GRIA2: variants seen among roughly 807,000 people sequenced by gnomAD.
The protein encoded by GRIA2 is glutamate receptor 2.
A neutral mutation model predicts 97.3 loss-of-function variants in GRIA2; 14 were observed. The ratio of observed to expected loss-of-function variants is 0.14; its 90% confidence interval spans 0.10 to 0.23. The LOEUF is 0.23. Among genes scored for constraint, GRIA2 ranks in the 10% least tolerant of loss-of-function variants. The pLI is 1.00. For synonymous variants in GRIA2, 412 were observed against 387.8 expected (o/e 1.06, Z -0.73); for missense variants, 558 against 1,069.8 (o/e 0.52, Z 6.67).
At chr4:157,315,499 T>C (rs1232540640) in intron 4 of GRIA2, among the ~76,000 whole-genome samples, 1 of 150,676 alleles carries the variant, frequency 6.6e-6, no homozygotes, top group Non-Finnish European at 1.5e-5. Context: ...TAAATTTTAT[T>C]AGGCTATGGG....
intron 2 of GRIA2, among the ~76,000 whole-genome samples, chr4:157,230,570 C>T (rs1253173050): frequency 1.1e-5 from 1 of 92,606 alleles, no homozygotes; most frequent in East Asian, 3.7e-4. Flanking sequence ...TTCCTTCCTT[C>T]CTTCCTTCTT....
At chr4:157,331,301 A>C (rs1735037402) in intron 6 of GRIA2, among the ~76,000 whole-genome samples, 1 of 151,890 alleles carries the variant, frequency 6.6e-6, no homozygotes. Flanking sequence ...AATGTAGTTA[A>C]CCAACATTTG....
At chr4:157,302,861 T>G (rs1367316297) in intron 2 of GRIA2, among the ~76,000 whole-genome samples, 1 of 151,782 alleles carries the variant, frequency 6.6e-6, no homozygotes, top group Non-Finnish European at 1.5e-5. Flanking sequence ...ATTGTGGGAG[T>G]GATGAGGATG....
chr4:157,246,128 G>A (rs1022686152), intron 2 of GRIA2, among the ~76,000 whole-genome samples: 10 of 151,974 alleles, frequency 6.6e-5, no homozygotes, highest in Non-Finnish European at 1.0e-4. Context: ...CCAGTATTAC[G>A]TTTAGTTTTA....
At chr4:157,256,264 T>A (rs1347863734) in intron 2 of GRIA2, among the ~76,000 whole-genome samples, 7 of 136,876 alleles carry the variant, frequency 5.1e-5, no homozygotes, top group African/African-American at 2.0e-4. Flanking sequence ...AATTATATAT[T>A]ACATATATAT....
At chr4:157,230,401 G>A (rs1166580738) in intron 2 of GRIA2, among the ~76,000 whole-genome samples, 2 of 152,058 alleles carry the variant, frequency 1.3e-5, no homozygotes, top group Admixed American at 6.6e-5. Flanking sequence ...AGTGATGGCG[G>A]GAAAGCTGTG....
rs142751702 is a variant in GRIA2 at position 157,308,456 on chromosome 4, A to G, written c.470-4223A>G. Among the ~76,000 whole-genome samples, 14 of 151,364 alleles carry G rather than the reference A, an allele frequency of 9.2e-5. 1 individual carries two copies. In the East Asian group the frequency reaches 2.5e-3, roughly 27 times the overall value. ...AGCAATATTCTTGAGGGTTTAAAAG[A>G]ACATACTATATTTTAAATATATTTA... On this transcript the variant is annotated intron_variant, in intron 3 of 15. Coordinates refer to ENST00000264426, the MANE Select transcript of GRIA2 (RefSeq NM_001083619.3).
intron 12 of GRIA2, among the ~76,000 whole-genome samples, chr4:157,359,485 A>G (rs2126997563): frequency 6.6e-6 from 1 of 152,274 alleles, no homozygotes; most frequent in African/African-American, 2.4e-5. Context: ...TGCCTGACCA[A>G]CCCACATTAC....
At chr4:157,235,048 A>G (rs1377035305) in intron 2 of GRIA2, among the ~76,000 whole-genome samples, 2 of 152,090 alleles carry the variant, frequency 1.3e-5, no homozygotes, top group Non-Finnish European at 2.9e-5. Context: ...GAACTCTTCA[A>G]TGTAGGATCA....
At chr4:157,248,698 C>A (rs1561009670) in intron 2 of GRIA2, among the ~76,000 whole-genome samples, 2 of 135,644 alleles carry the variant, frequency 1.5e-5, no homozygotes, top group Admixed American at 7.4e-5. Context: ...TGTATATATA[C>A]ACAAGTATAT....
chr4:157,227,349 A>G (rs1383503490), intron 2 of GRIA2, among the ~76,000 whole-genome samples: 1 of 152,142 alleles, frequency 6.6e-6, no homozygotes, highest in African/African-American at 2.4e-5. Flanking sequence ...AAACTTTCAA[A>G]CTTCTTAGAA....
chr4:157,267,220 T>C (rs1260129766), intron 2 of GRIA2, among the ~76,000 whole-genome samples: 1 of 151,614 alleles, frequency 6.6e-6, no homozygotes, highest in East Asian at 1.9e-4. Context: ...GGTCAGGAGT[T>C]TGAGACCAGC....
intron 2 of GRIA2, among the ~76,000 whole-genome samples, chr4:157,259,008 G>A (rs1561014588): frequency 6.6e-6 from 1 of 152,076 alleles, no homozygotes; most frequent in Non-Finnish European, 1.5e-5. Context: ...GATTGCTTGA[G>A]TCCAGGAGTT....
At chr4:157,358,406 A>G (rs1736487005) in intron 12 of GRIA2, among the ~76,000 whole-genome samples, 1 of 152,176 alleles carries the variant, frequency 6.6e-6, no homozygotes, top group South Asian at 2.1e-4. Flanking sequence ...ATGCTTTTAC[A>G]ACAGAAAGAA....
intron 2 of GRIA2, among the ~76,000 whole-genome samples, chr4:157,244,466 A>G (rs1329235843): frequency 2.6e-5 from 4 of 152,092 alleles, no homozygotes; most frequent in African/African-American, 9.7e-5. Flanking sequence ...AGATTTCCAT[A>G]CTCACAAAAT....
chr4:157,332,712 A>T, intron 6 of GRIA2, 107 bp from the exon 7 acceptor site: 1 of 695,132 alleles, frequency 1.4e-6, no homozygotes, highest in Non-Finnish European at 2.4e-6. Context: ...AAATTCTTGG[A>T]CTTTTAAATG....
chr4:157,282,619 G>C (rs923125436), intron 2 of GRIA2, among the ~76,000 whole-genome samples: 4 of 152,002 alleles, frequency 2.6e-5, no homozygotes, highest in Admixed American at 2.6e-4. Context: ...GGATCAAGGA[G>C]GGATGAGAAG....
intron 6 of GRIA2, among the ~76,000 whole-genome samples, chr4:157,325,855 A>G (rs1333573959): frequency 6.6e-6 from 1 of 152,172 alleles, no homozygotes; most frequent in Non-Finnish European, 1.5e-5. Flanking sequence ...TTATTACAAC[A>G]GTTTCTAAAA....
chr4:157,251,641 T>A (rs1479670678), intron 2 of GRIA2, among the ~76,000 whole-genome samples: 1 of 152,138 alleles, frequency 6.6e-6, no homozygotes, highest in Non-Finnish European at 1.5e-5. Flanking sequence ...GCAAAACCAA[T>A]GAAGATGCAT....
Sources: gnomAD v4.1 joint callset for allele counts (sites outside exome capture counted in the v4.1 genomes callset) on GRCh38, gnomAD v4.1.1 for gene constraint, MANE v1.5 for transcripts, NCBI Gene and HGNC (gene_info 2026-07-23, HGNC 2026-07-21) for gene names.